Variants in TWSG1 observed in about 807,000 individuals in gnomAD.
The protein encoded by TWSG1 is twisted gastrulation protein homolog 1.
A neutral mutation model predicts 23.0 loss-of-function variants in TWSG1; 15 were observed. The ratio of observed to expected loss-of-function variants is 0.65; its 90% CI spans 0.44 to 1.00. The LOEUF (loss-of-function observed/expected upper bound fraction) is 1.00. Ranked by LOEUF, TWSG1 falls within the 50% of genes least tolerant of loss-of-function variation. The pLI is 0.00. For synonymous variants in TWSG1, 86 were observed against 92.8 expected, an observed-to-expected ratio of 0.93 and a Z score of 0.42; for missense variants, 242 against 278.7, an observed-to-expected ratio of 0.87 and a Z score of 0.94.
At chr18:9,392,513 C>G (rs1335891591) in intron 3 of TWSG1, among the ~76,000 whole-genome samples, 1 of 152,220 alleles carries the variant, frequency 6.6e-6, no homozygotes, top group East Asian at 1.9e-4. Context: ...TCTATCCAGA[C>G]CACTCAAACT....
At chr18:9,347,852 A>G (rs1349843179) in intron 2 of TWSG1, among the ~76,000 whole-genome samples, 1 of 151,962 alleles carries the variant, frequency 6.6e-6, no homozygotes, top group Non-Finnish European at 1.5e-5. Flanking sequence ...TATTTTCCTC[A>G]GTGTCTTCAA....
chr18:9,335,611 C>T (rs1276358436), intron 1 of TWSG1, among the ~76,000 whole-genome samples: 1 of 152,134 alleles, frequency 6.6e-6, no homozygotes, highest in African/African-American at 2.4e-5. Flanking sequence ...CCTTATTTGG[C>T]CTCCGCAAAT....
Position 9,369,140 on chromosome 18 carries a change from TAAAA to T in TWSG1, c.223+9070_223+9073del, listed in dbSNP as rs2040593190. On this transcript the variant is annotated intron_variant, in intron 3 of 4. Coordinates refer to ENST00000262120, the MANE Select transcript of TWSG1 (RefSeq NM_020648.6). ...ACAAACAAACAAACAAATAAATAAA[TAAAA>T]TAAAATAAAATAAAATAAATAATTT... Among the ~76,000 whole-genome samples, 3 of 78,010 alleles carry T rather than the reference TAAAA, an allele frequency of 3.8e-5. No individual in the cohort carries two copies. The East Asian group carries it at 1.3e-3, about 33-fold the overall frequency. The allele number at this position is 78,010 out of a possible 152,430, so 51.2% of individuals were successfully genotyped here. A position where few individuals can be genotyped will look rare whatever the true frequency, so the allele number is the denominator to read the frequency against.
intron 4 of TWSG1, chr18:9,397,132 G>T (rs1438565223): frequency 6.5e-6 from 1 of 153,058 alleles, no homozygotes; most frequent in Admixed American, 6.5e-5. Context: ...AGCAGAGGCT[G>T]TACTGTATTG....
At chr18:9,396,136 G>C (rs979118918) in intron 3 of TWSG1, 144 bp from the exon 4 acceptor site, 21 of 687,022 alleles carry the variant, frequency 3.1e-5, no homozygotes, top group Non-Finnish European at 4.3e-5. Context: ...TCATCATTTA[G>C]GCTCACCCAG....
rs1431517630 is a variant in TWSG1 at position 9,337,055 on chromosome 18, C to A, written c.-37-138C>A. 6 of 688,654 alleles carry A rather than the reference C, an allele frequency of 8.7e-6. No homozygotes were observed. The East Asian group carries it at 2.0e-4, about 23-fold the overall frequency. 42.7% of individuals were successfully genotyped at this position (688,654 alleles called of 1,614,324 possible). A position where few individuals can be genotyped will look rare whatever the true frequency, so the allele number is the denominator to read the frequency against. ...CACCACTGTACTTCAGCCTGGGCAA[C>A]AGAGCAAGACTCTAAAAAAGAAAGA... On this transcript the variant is annotated intron_variant, in intron 1 of 4. Transcript: ENST00000262120.
intron 2 of TWSG1, among the ~76,000 whole-genome samples, chr18:9,350,032 C>T (rs1243175164): frequency 1.3e-5 from 2 of 151,964 alleles, no homozygotes; most frequent in Admixed American, 6.6e-5. Context: ...CCCAGCTACT[C>T]AGGAGGCTGA....
chr18:9,367,457 G>A (rs2040585223), intron 3 of TWSG1, among the ~76,000 whole-genome samples: 1 of 152,062 alleles, frequency 6.6e-6, no homozygotes, highest in African/African-American at 2.4e-5. Context: ...TTCTGTGACT[G>A]GCTTATTTTA....
chr18:9,340,447 T>G (rs2040441814), intron 2 of TWSG1, among the ~76,000 whole-genome samples: 2 of 152,054 alleles, frequency 1.3e-5, no homozygotes, highest in African/African-American at 2.4e-5. Context: ...TCACAAACAT[T>G]TATTGAGTGT....
intron 3 of TWSG1, among the ~76,000 whole-genome samples, chr18:9,369,000 T>C (rs1411784852): frequency 6.7e-6 from 1 of 150,126 alleles, no homozygotes; most frequent in African/African-American, 2.5e-5. Context: ...TCCCAGCTAC[T>C]CAGGAGGCTG....
chr18:9,342,084 C>T (rs2040448864), intron 2 of TWSG1, among the ~76,000 whole-genome samples: 1 of 152,100 alleles, frequency 6.6e-6, no homozygotes, highest in African/African-American at 2.4e-5. Context: ...GTTACCTGTA[C>T]TTTTACTTTT....
intron 3 of TWSG1, among the ~76,000 whole-genome samples, chr18:9,360,684 A>G (rs1435212479): frequency 1.3e-5 from 2 of 152,160 alleles, no homozygotes; most frequent in African/African-American, 2.4e-5. Flanking sequence ...TGTTTTTTCG[A>G]CAGAGTATCA....
chr18:9,340,385 A>G (rs1044252620), intron 2 of TWSG1, among the ~76,000 whole-genome samples: 53 of 151,454 alleles, frequency 3.5e-4, no homozygotes, highest in African/African-American at 1.2e-3. Context: ...AAAAAAAAAA[A>G]AAAAAGAAAA....
At chr18:9,360,831 T>C (rs1366864549) in intron 3 of TWSG1, among the ~76,000 whole-genome samples, 1 of 152,220 alleles carries the variant, frequency 6.6e-6, no homozygotes, top group Non-Finnish European at 1.5e-5. Flanking sequence ...CCTTTGATCC[T>C]ATGCCCAGAG....
intron 3 of TWSG1, among the ~76,000 whole-genome samples, chr18:9,375,816 A>G (rs968131695): frequency 2.0e-5 from 3 of 152,120 alleles, no homozygotes; most frequent in African/African-American, 7.2e-5. Context: ...CAGTAATCTC[A>G]TGAATGAAAT....
chr18:9,348,785 A>G (rs554286607), intron 2 of TWSG1, among the ~76,000 whole-genome samples: 10 of 152,360 alleles, frequency 6.6e-5, no homozygotes, highest in Non-Finnish European at 1.2e-4. Context: ...CCTTGTAGAG[A>G]GAATTTAGGT....
chr18:9,347,925 T>C lies in TWSG1; in HGVS notation c.123+10573T>C, dbSNP rs575131557. On this transcript the variant is annotated intron_variant, in intron 2 of 4. Coordinates refer to ENST00000262120, the MANE Select transcript of TWSG1 (RefSeq NM_020648.6). Reference sequence around the variant, plus strand: ...TGTGTGTCCCCTTCCCCCAACTCTGTTACCTGGATTATCTCTTTCGAGATC... The same window carrying C: ...TGTGTGTCCCCTTCCCCCAACTCTGCTACCTGGATTATCTCTTTCGAGATC... Among the ~76,000 whole-genome samples, 7 of 152,314 alleles carry C rather than the reference T, an allele frequency of 4.6e-5. No homozygotes were observed. The South Asian group carries it at 1.0e-3, about 23-fold the overall frequency.
At chr18:9,389,357 T>C (rs2040700725) in intron 3 of TWSG1, among the ~76,000 whole-genome samples, 1 of 152,232 alleles carries the variant, frequency 6.6e-6, no homozygotes, top group Non-Finnish European at 1.5e-5. Context: ...TTATTTGCTT[T>C]TTGATACCAC....
intron 2 of TWSG1, among the ~76,000 whole-genome samples, chr18:9,347,566 T>C (rs1015843323): frequency 6.6e-6 from 1 of 152,214 alleles, no homozygotes; most frequent in African/African-American, 2.4e-5. Flanking sequence ...GTTAAATTTA[T>C]TTATCAGTAT....
Sources: allele counts gnomAD v4.1 joint callset (sites outside exome capture counted in the v4.1 genomes callset), GRCh38; gene constraint gnomAD v4.1.1; transcripts MANE v1.5; gene names NCBI Gene and HGNC (gene_info 2026-07-23, HGNC 2026-07-21).